The following LGI4 variants were observed in gnomAD, a reference collection of about 807,000 sequenced individuals.
The protein encoded by LGI4 is leucine-rich repeat LGI family member 4.
LGI4 carries 36 observed loss-of-function variants against 48.3 expected under a neutral mutation model. The observed-to-expected ratio is 0.75, with a 90% CI of 0.57 to 0.98. The LOEUF is 0.98. Ranked by LOEUF, LGI4 falls within the 50% of genes least tolerant of loss-of-function variation. The pLI, the probability that LGI4 is intolerant of heterozygous loss-of-function variation, is 0.00. For synonymous variants in LGI4, 355 were observed against 331.6 expected (o/e 1.07, Z -0.77); for missense variants, 701 against 732.1 (o/e 0.96, Z 0.49).
chr19:35,126,832 A>T, intron 7 of LGI4, 21 bp downstream of exon 7: 1 of 1,604,102 alleles, frequency 6.2e-7, no homozygotes, highest in Non-Finnish European at 8.5e-7. Flanking sequence ...GGACAGGCAG[A>T]AGGACGGGGA....
intron 6 of LGI4, among the ~76,000 whole-genome samples, chr19:35,129,722 T>C (rs1188935887): frequency 1.3e-5 from 2 of 152,258 alleles, no homozygotes; most frequent in South Asian, 2.1e-4. Flanking sequence ...CAGCCTAAGA[T>C]ATGGCCTCGT....
At chr19:35,127,708 G>T (rs771573692) in intron 6 of LGI4, among the ~76,000 whole-genome samples, 1 of 152,162 alleles carries the variant, frequency 6.6e-6, no homozygotes, top group African/African-American at 2.4e-5. Context: ...TTTCTAAGCT[G>T]TGTGGCATCA....
rs753099680 is a variant in LGI4 at position 35,126,470 on chromosome 19, C to T, written c.1099G>A (p.Ala367Thr). The T allele has an allele frequency of 5.4e-5, 85 of 1,574,526 alleles. No individual in the cohort carries two copies. The highest frequency in any genetic ancestry group is 4.6e-4 in the Admixed American group (25 of 54,526). ...SLHAWHRDTD[A>T]EALELDGRPH... is the part of the protein sequence containing the mutation. ...CGGCCGTCCAGCTCCAGGGCCTCAGCGTCCGTGTCCCGGTGCCAGGCGTGC... is the reference window on the plus strand; with the variant it reads ...CGGCCGTCCAGCTCCAGGGCCTCAGTGTCCGTGTCCCGGTGCCAGGCGTGC... The change falls in exon 8 of 9, where the codon GCT becomes ACT. Residue 367 changes from alanine (A) to threonine (T), a missense_variant. By Grantham distance (58) the Ala-to-Thr change is moderately conservative. This residue lies in a region of LGI4 where 223 missense variants were observed against 263.3 expected (regional missense o/e 0.85). Transcript: ENST00000310123.
At chr19:35,130,434 C>T in intron 6 of LGI4, among the ~76,000 whole-genome samples, 1 of 152,124 alleles carries the variant, frequency 6.6e-6, no homozygotes, top group East Asian at 1.9e-4. Context: ...CTTGTAATCC[C>T]AGCACTTTGG....
At chr19:35,128,563 T>G (rs1466607235) in intron 6 of LGI4, among the ~76,000 whole-genome samples, 1 of 151,806 alleles carries the variant, frequency 6.6e-6, no homozygotes, top group Non-Finnish European at 1.5e-5. Context: ...TACAAAAAAT[T>G]AGCAGGCATG....
rs755534425 is a variant in LGI4 at position 35,134,599 on chromosome 19, G to T, written c.82C>A (p.Pro28Thr). The T allele has an allele frequency of 3.8e-6, 6 of 1,587,748 alleles. No individual in the cohort carries two copies. The highest frequency in any genetic ancestry group is 4.3e-6 in the Non-Finnish European group (5 of 1,167,594). Residue 28 changes from proline to threonine, a missense_variant, in exon 1 of 9, where the codon CCC becomes ACC. Pro to Thr is a conservative substitution (Grantham distance 38, BLOSUM62 -1). Around this residue, in one of 3 missense-constraint regions of LGI4, gnomAD observed 462 missense variants for 436.4 expected, o/e 1.06. Coordinates refer to ENST00000310123, the MANE Select transcript of LGI4 (RefSeq NM_139284.3). Reference protein sequence around the residue: ...VAWRPPKGKCPLRCSCSKDSA... With the variant: ...VAWRPPKGKCTLRCSCSKDSA... ...TCTTTAGAGCAGGAGCAGCGCAGGG[G>T]ACACTTTCCCTTTGGGGGTCTCCAG...
intron 6 of LGI4, among the ~76,000 whole-genome samples, chr19:35,127,430 C>G (rs2065147955): frequency 6.6e-6 from 1 of 152,174 alleles, no homozygotes; most frequent in Non-Finnish European, 1.5e-5. Context: ...ATCCTCCTGC[C>G]TTGACCTCCC....
chr19:35,132,044 T>A lies in LGI4; in HGVS notation c.315-2A>T. 1 of 1,572,232 alleles carries A rather than the reference T, an allele frequency of 6.4e-7. No individual in the cohort carries two copies. The highest frequency in any genetic ancestry group is 1.9e-5 in the Admixed American group (1 of 53,540). ...CCAATCTCATTGTCCTCGATGAAGC[T>A]GTGGAGGGAAGCTGGGGTCAGGGGG... On this transcript the variant is annotated splice_acceptor_variant, in intron 3 of 8. Transcript: ENST00000310123. LOFTEE classifies it high-confidence loss of function.
In LGI4 at chr19:35,126,661, A is replaced by G; in HGVS notation, c.908T>C (p.Leu303Pro). 1 of 1,536,288 alleles carries G rather than the reference A, an allele frequency of 6.5e-7. No individual in the cohort carries two copies. Among genetic ancestry groups the G allele is most frequent in the South Asian group, 1.2e-5 (1 of 83,988 alleles). Reference protein sequence around the residue: ...LWARPSPGLRLAPTQTLAPRR... With the variant: ...LWARPSPGLRPAPTQTLAPRR... ...CGGGGCCAGGGTCTGCGTTGGGGCC[A>G]GGCGCAGGCCGGGACTGGGCCGGGC... The change falls in exon 8 of 9, where the codon CTG becomes CCG. Residue 303 changes from leucine to proline, a missense_variant. Around this residue, in one of 3 missense-constraint regions of LGI4, gnomAD observed 462 missense variants for 436.4 expected, o/e 1.06. Coordinates refer to ENST00000310123, the MANE Select transcript of LGI4 (RefSeq NM_139284.3).
chr19:35,126,444 C>T lies in LGI4; in HGVS notation c.1125G>A (p.Arg375=). The T allele has an allele frequency of 1.9e-6, 3 of 1,593,720 alleles. No homozygotes were observed. Among genetic ancestry groups the T allele is most frequent in the Non-Finnish European group, 2.6e-6 (3 of 1,172,768 alleles). ...TDAEALELDG[R]PHLLLASASQ... ...AAGCCGAGGCCAGCAGCAGGTGGGG[C>T]CGGCCGTCCAGCTCCAGGGCCTCAG... The change falls in exon 8 of 9, where the codon CGG becomes CGA. Residue 375 remains arginine, a synonymous_variant. Transcript: ENST00000310123.
Position 35,126,221 on chromosome 19 carries a change from T to C in LGI4, c.1299+49A>G, listed in dbSNP as rs372728787. 6.9e-6 allele frequency: 11 copies of C among 1,588,354 alleles called. No individual in the cohort carries two copies. The African/African-American group carries it at 1.2e-4, about 17-fold the overall frequency. ...GAGTTTAGAGGCTTAGTGTGCAAGA[T>C]TGGGTCAGTGCTGAAAAGCCAGCCC... On this transcript the variant is annotated intron_variant, in intron 8 of 8. Transcript: ENST00000310123.
At chr19:35,134,205 G>T (rs1600477790) in intron 1 of LGI4, 101 bp from the exon 2 acceptor site, 1 of 1,076,130 alleles carries the variant, frequency 9.3e-7, no homozygotes, top group Admixed American at 2.0e-5. Context: ...GTGCCACCCT[G>T]ACCCTGGATG....
At chr19:35,130,140 C>G (rs2065164932) in intron 6 of LGI4, among the ~76,000 whole-genome samples, 2 of 152,172 alleles carry the variant, frequency 1.3e-5, no homozygotes, top group Admixed American at 1.3e-4. Context: ...GCCACATCCC[C>G]CTCGCTGAGA....
chr19:35,130,641 G>A (rs993570899), intron 6 of LGI4, among the ~76,000 whole-genome samples: 1 of 152,200 alleles, frequency 6.6e-6, no homozygotes, highest in Non-Finnish European at 1.5e-5. Context: ...AGGCTGCAGT[G>A]AGCTATGATG....
At chr19:35,131,038 A>G in intron 6 of LGI4, 1 of 581,550 alleles carries the variant, frequency 1.7e-6, no homozygotes, top group Middle Eastern at 4.5e-4. Flanking sequence ...AGGAGGTGAC[A>G]TTGCACCTGC....
chr19:35,131,290 G>A (rs745485278), intron 6 of LGI4, 96 bp downstream of exon 6: 270 of 1,460,284 alleles, frequency 1.8e-4, no homozygotes, highest in Non-Finnish European at 2.3e-4. Flanking sequence ...TTCCCACTCC[G>A]GGAAATGGCA....
In LGI4 at chr19:35,125,040, C is replaced by T. The variant is rs1448077053; in HGVS notation, c.*153G>A. ...CTATGTCCCCCCATGGGTGCAGATC[C>T]TTTAAGAAGTGGGCTTAAGGCCTAG... is the stretch of plus-strand genomic sequence containing the variant. On this transcript the variant is annotated 3_prime_UTR_variant, in exon 9 of 9. Coordinates refer to ENST00000310123, the MANE Select transcript of LGI4 (RefSeq NM_139284.3). 10 of 588,662 alleles carry T rather than the reference C, an allele frequency of 1.7e-5. No homozygotes were observed. Among genetic ancestry groups the T allele is most frequent in the African/African-American group, 1.5e-4 (8 of 54,148 alleles). 36.5% of individuals were successfully genotyped at this position (588,662 alleles called of 1,614,324 possible). A position where few individuals can be genotyped will look rare whatever the true frequency, so the allele number is the denominator to read the frequency against.
chr19:35,131,527 C>T lies in LGI4; in HGVS notation c.487G>A (p.Asp163Asn). The T allele has an allele frequency of 6.4e-7, 1 of 1,551,178 alleles. No homozygotes were observed. Among genetic ancestry groups the T allele is most frequent in the Non-Finnish European group, 8.7e-7 (1 of 1,146,880 alleles). The stretch of plus-strand genomic sequence containing the variant: ...TGCAGGAGCCAGAGGACGCGGCAGT[C>T]ACACTGGAACGGGTTCCCGCGGAGG... ...VDLRGNPFQC[D>N]CRVLWLLQWM... Residue 163 changes from aspartate (D) to asparagine (N), a missense_variant, in exon 6 of 9, where the codon GAC (aspartate) becomes AAC (asparagine). Around this residue, in one of 3 missense-constraint regions of LGI4, gnomAD observed 462 missense variants for 436.4 expected, o/e 1.06. Coordinates refer to ENST00000310123, the MANE Select transcript of LGI4 (RefSeq NM_139284.3).
At chr19:35,128,454 AT>A (rs1454995921) in intron 6 of LGI4, among the ~76,000 whole-genome samples, 1 of 152,250 alleles carries the variant, frequency 6.6e-6, no homozygotes, top group Non-Finnish European at 1.5e-5. Context: ...CACGCCTGTA[AT>A]CCCCACATTT....
Sources: allele counts gnomAD v4.1 joint callset (sites outside exome capture counted in the v4.1 genomes callset), GRCh38; gene constraint gnomAD v4.1.1; regional missense constraint gnomAD v4.1.1; transcripts MANE v1.5; gene names NCBI Gene and HGNC (gene_info 2026-07-23, HGNC 2026-07-21).